The following TTLL5 variants were observed in gnomAD, a reference collection of about 807,000 sequenced individuals.
TTLL5 encodes the protein tubulin tyrosine ligase like 5, also known as tubulin polyglutamylase TTLL5.
TTLL5 carries 132 observed loss-of-function variants against 168.4 expected under a neutral mutation model. The observed-to-expected ratio is 0.78, with a 90% CI of 0.68 to 0.91. The LOEUF (loss-of-function observed/expected upper bound fraction) is 0.91, where lower values mean the gene tolerates loss of function less well. Among genes scored for constraint, TTLL5 ranks in the 40% least tolerant of loss-of-function variants. TTLL5 has a pLI of 0.00. For synonymous variants in TTLL5, 546 were observed against 558.6 expected, an observed-to-expected ratio of 0.98 and a Z score of 0.32; for missense variants, 1,545 against 1,581.5, an observed-to-expected ratio of 0.98 and a Z score of 0.39.
intron 28 of TTLL5, among the ~76,000 whole-genome samples, chr14:75,822,777 C>T (rs1474901037): frequency 6.6e-6 from 1 of 152,142 alleles, no homozygotes; most frequent in Admixed American, 6.5e-5. Flanking sequence ...TTGTCGTCTC[C>T]CATTGGGTCA....
intron 5 of TTLL5, among the ~76,000 whole-genome samples, chr14:75,686,003 C>G (rs1489100297): frequency 3.9e-5 from 6 of 152,076 alleles, no homozygotes; most frequent in African/African-American, 1.4e-4. Context: ...CTTACATACA[C>G]TAAAAATTGA....
intron 14 of TTLL5, among the ~76,000 whole-genome samples, chr14:75,734,748 A>G (rs2140238320): frequency 6.6e-6 from 1 of 152,306 alleles, no homozygotes; most frequent in South Asian, 2.1e-4. Flanking sequence ...CCAATAGACC[A>G]CCTTCTGCAG....
rs1411713248 is a variant in TTLL5 at position 75,690,238 on chromosome 14, C to A, written c.418C>A (p.Arg140=). ...RKDRLYKNII[R]MQHTHGFKAF... is the part of the protein sequence containing the mutation. Reference sequence around the variant, plus strand: ...GGACCGACTGTACAAAAACATTATTCGAATGCAGCATACACATGGATTCAA... The same window carrying A: ...GGACCGACTGTACAAAAACATTATTAGAATGCAGCATACACATGGATTCAA... The change falls in exon 6 of 32, where the codon CGA becomes AGA. Residue 140 remains arginine (R), a synonymous_variant. Coordinates refer to ENST00000298832, the MANE Select transcript of TTLL5 (RefSeq NM_015072.5). 3 of 1,612,860 alleles carry A rather than the reference C, an allele frequency of 1.9e-6. No individual in the cohort carries two copies. Among genetic ancestry groups the A allele is most frequent in the Non-Finnish European group, 2.5e-6 (3 of 1,179,558 alleles).
At chr14:75,950,012 A>C (rs1176248656) in intron 31 of TTLL5, among the ~76,000 whole-genome samples, 1 of 152,200 alleles carries the variant, frequency 6.6e-6, no homozygotes, top group Non-Finnish European at 1.5e-5. Context: ...TGGGGATGTC[A>C]GTAGGGGGCT....
At chr14:75,849,099 A>C (rs1449210049) in intron 28 of TTLL5, among the ~76,000 whole-genome samples, 1 of 152,218 alleles carries the variant, frequency 6.6e-6, no homozygotes, top group Non-Finnish European at 1.5e-5. Context: ...ACCTCAATGC[A>C]TTCTTCCCAA....
chr14:75,951,691 G>A (rs1024077791), intron 31 of TTLL5, among the ~76,000 whole-genome samples: 1 of 152,220 alleles, frequency 6.6e-6, no homozygotes, highest in African/African-American at 2.4e-5. Flanking sequence ...GAGCCCCTGA[G>A]GTTGAGGCTG....
intron 28 of TTLL5, among the ~76,000 whole-genome samples, chr14:75,853,767 G>A (rs897688933): frequency 3.3e-5 from 5 of 152,200 alleles, no homozygotes; most frequent in African/African-American, 1.2e-4. Context: ...ATTTTGGCTG[G>A]ACGCAGTGGC....
intron 20 of TTLL5, among the ~76,000 whole-genome samples, chr14:75,767,076 T>C (rs749836344): frequency 8.6e-5 from 13 of 151,626 alleles, no homozygotes; most frequent in African/African-American, 1.5e-4. Flanking sequence ...AGCAGGAGAA[T>C]TGCTTGAACC....
chr14:75,674,096 T>C (rs1207502180), intron 3 of TTLL5, among the ~76,000 whole-genome samples: 3 of 152,240 alleles, frequency 2.0e-5, no homozygotes, highest in African/African-American at 7.2e-5. Flanking sequence ...TCCATCAATG[T>C]CATCTATTTA....
intron 26 of TTLL5, among the ~76,000 whole-genome samples, chr14:75,788,680 G>A (rs1193795714): frequency 6.6e-6 from 1 of 152,088 alleles, no homozygotes; most frequent in Non-Finnish European, 1.5e-5. Context: ...TCAAAAGGTA[G>A]ATAATTTCAA....
intron 28 of TTLL5, among the ~76,000 whole-genome samples, chr14:75,846,430 G>A (rs1896542999): frequency 6.6e-6 from 1 of 152,146 alleles, no homozygotes; most frequent in Non-Finnish European, 1.5e-5. Context: ...GGTTTAAAAA[G>A]CATATGGTTT....
At position 75,766,061 on chromosome 14, in the gene TTLL5, G is replaced by A. The variant is rs758372525; in HGVS notation, c.1709-1G>A. 6.2e-7 allele frequency: 1 copy of A among 1,608,548 alleles called. No individual in the cohort carries two copies. The highest frequency in any genetic ancestry group is 1.1e-5 in the South Asian group (1 of 90,200). On this transcript the variant is annotated splice_acceptor_variant, in intron 19 of 31. Transcript: ENST00000298832. LOFTEE classifies it high-confidence loss of function. Reference sequence around the variant, plus strand: ...CAACATTAGTGATTCTTCGTATTTAGTGATTACCCAACCAGCTGAAATGAA... The same window carrying A: ...CAACATTAGTGATTCTTCGTATTTAATGATTACCCAACCAGCTGAAATGAA...
At chr14:75,846,339 G>T (rs1432457481) in intron 28 of TTLL5, among the ~76,000 whole-genome samples, 2 of 152,148 alleles carry the variant, frequency 1.3e-5, no homozygotes, top group African/African-American at 2.4e-5. Flanking sequence ...TTTTGGTCCT[G>T]ATGAATTTTT....
intron 3 of TTLL5, among the ~76,000 whole-genome samples, chr14:75,671,055 T>C (rs1430626000): frequency 6.6e-6 from 1 of 152,206 alleles, no homozygotes; most frequent in East Asian, 1.9e-4. Context: ...CAATAGTCTT[T>C]GATCCATTTT....
intron 31 of TTLL5, chr14:75,902,452 A>G (rs1396214117): frequency 4.5e-6 from 3 of 673,584 alleles, no homozygotes; most frequent in Admixed American, 2.0e-5. Flanking sequence ...AAACCTCGCC[A>G]TCTTATAAAA....
Position 75,783,509 on chromosome 14 carries a change from C to A in TTLL5, c.2965C>A (p.Arg989Ser). The A allele has an allele frequency of 6.2e-7, 1 of 1,613,844 alleles. No individual in the cohort carries two copies. The highest frequency in any genetic ancestry group is 1.1e-5 in the South Asian group (1 of 91,060). ...AAHIYSQKLS[R>S]PSSAKAGSCY... is the part of the protein sequence containing the mutation. ...ACACATCTATAGCCAGAAACTGTCT[C>A]GTCCCTCTTCAGCAAAGGCAGGTGA... Residue 989 changes from arginine (R) to serine (S), a missense_variant, in exon 26 of 32, where the codon CGT becomes AGT. Physicochemically the swap from Arg to Ser is moderately radical, Grantham distance 110. Coordinates refer to ENST00000298832, the MANE Select transcript of TTLL5 (RefSeq NM_015072.5).
chr14:75,729,922 A>T (rs1360945439), intron 12 of TTLL5, among the ~76,000 whole-genome samples: 1 of 152,230 alleles, frequency 6.6e-6, no homozygotes, highest in Non-Finnish European at 1.5e-5. Context: ...ATGGTTAAGT[A>T]AACCTGTAGC....
Position 75,902,223 on chromosome 14 carries a change from A to G in TTLL5, c.3822A>G (p.Thr1274=), listed in dbSNP as rs2032954310. The change falls in exon 31 of 32, where the codon ACA becomes ACG. Residue 1274 remains threonine (T), a splice_region_variant and synonymous_variant. Coordinates refer to ENST00000298832, the MANE Select transcript of TTLL5 (RefSeq NM_015072.5). ...CCTTTGTGCCCATCACCAGCTCTAC[A>G]GGTTAGTGGGCACCAGCTCTTCTGC... ...PAAFVPITSS[T]DPAHTKI 2.5e-6 allele frequency: 4 copies of G among 1,614,092 alleles called. No homozygotes were observed. Among genetic ancestry groups the G allele is most frequent in the Admixed American group, 1.7e-5 (1 of 60,022 alleles).
chr14:75,728,046 G>T (rs916491762), intron 12 of TTLL5, among the ~76,000 whole-genome samples: 1 of 152,142 alleles, frequency 6.6e-6, no homozygotes, highest in Non-Finnish European at 1.5e-5. Context: ...GAATAGAGAA[G>T]ATTAAAGAGA....
Sources: allele counts gnomAD v4.1 joint callset (sites outside exome capture counted in the v4.1 genomes callset), GRCh38; gene constraint gnomAD v4.1.1; transcripts MANE v1.5; gene names NCBI Gene and HGNC (gene_info 2026-07-23, HGNC 2026-07-21).